Variants in EXOC4 observed in about 807,000 individuals in gnomAD.
The protein encoded by EXOC4 is exocyst complex component 4.
EXOC4 carries 71 observed loss-of-function variants against 107.2 expected under a neutral mutation model. The observed-to-expected ratio is 0.66, with a 90% CI of 0.55 to 0.81. The LOEUF (loss-of-function observed/expected upper bound fraction) is 0.81. Among genes scored for constraint, EXOC4 ranks in the 30% least tolerant of loss-of-function variants. The pLI, the probability that EXOC4 is intolerant of heterozygous loss-of-function variation, is 0.00. For synonymous variants in EXOC4, 456 were observed against 441.2 expected, an observed-to-expected ratio of 1.03 and a Z score of -0.42; for missense variants, 1,108 against 1,189.6, an observed-to-expected ratio of 0.93 and a Z score of 1.01.
At chr7:133,933,697 T>C (rs756350527) in intron 13 of EXOC4, among the ~76,000 whole-genome samples, 1 of 152,210 alleles carries the variant, frequency 6.6e-6, no homozygotes, top group Non-Finnish European at 1.5e-5. Flanking sequence ...GACAAGTGAC[T>C]GTGTCTTCCG....
chr7:134,038,798 T>C (rs1345203217), intron 17 of EXOC4, among the ~76,000 whole-genome samples: 2 of 152,168 alleles, frequency 1.3e-5, no homozygotes, highest in African/African-American at 4.8e-5. Flanking sequence ...AACTAGGGGC[T>C]CTTGGAGCAT....
intron 9 of EXOC4, among the ~76,000 whole-genome samples, chr7:133,586,642 T>A (rs982667137): frequency 6.6e-6 from 1 of 152,186 alleles, no homozygotes; most frequent in Non-Finnish European, 1.5e-5. Context: ...TACCCAATAA[T>A]GGGATTGCTG....
intron 9 of EXOC4, among the ~76,000 whole-genome samples, chr7:133,562,532 T>G (rs1800829229): frequency 6.6e-6 from 1 of 152,190 alleles, no homozygotes; most frequent in Admixed American, 6.5e-5. Flanking sequence ...TCCTGACAAA[T>G]AGAGTTCTTT....
At chr7:133,996,001 A>G (rs1794383675) in intron 14 of EXOC4, among the ~76,000 whole-genome samples, 1 of 152,194 alleles carries the variant, frequency 6.6e-6, no homozygotes, top group Non-Finnish European at 1.5e-5. Context: ...GACTCTTTGA[A>G]AAAGAGAAGG....
chr7:133,957,275 G>T (rs1052105468), intron 14 of EXOC4, among the ~76,000 whole-genome samples: 9 of 152,276 alleles, frequency 5.9e-5, no homozygotes, highest in African/African-American at 2.2e-4. Flanking sequence ...AATAATTATA[G>T]ACTGTTAAAT....
At chr7:133,608,550 T>TTTC (rs1437817054) in intron 9 of EXOC4, among the ~76,000 whole-genome samples, 1 of 141,344 alleles carries the variant, frequency 7.1e-6, no homozygotes, top group Non-Finnish European at 1.5e-5. Flanking sequence ...GTATTTCTTT[T>TTTC]TTTTTTTTTT....
chr7:133,470,537 A>T (rs562755546), intron 7 of EXOC4, among the ~76,000 whole-genome samples: 3 of 152,306 alleles, frequency 2.0e-5, no homozygotes, highest in Admixed American at 6.5e-5. Flanking sequence ...ACAGTGAATG[A>T]TGATATCACT....
At chr7:133,280,385 G>C (rs1245744049) in intron 2 of EXOC4, among the ~76,000 whole-genome samples, 2 of 152,132 alleles carry the variant, frequency 1.3e-5, no homozygotes, top group Non-Finnish European at 2.9e-5. Context: ...AAAAGAAATG[G>C]ATACGAGTTG....
intron 10 of EXOC4, among the ~76,000 whole-genome samples, chr7:133,813,961 C>A (rs1299896992): frequency 1.3e-5 from 2 of 151,984 alleles, no homozygotes; most frequent in East Asian, 3.8e-4. Flanking sequence ...GGTTAAACAG[C>A]TAAACTTAAG....
At chr7:134,086,732 A>C in the EXOC4 span, among the ~76,000 whole-genome samples, 1 of 152,162 alleles carries the variant, frequency 6.6e-6, no homozygotes. Context: ...GTACAAAGCA[A>C]AAGCAAGTTT....
At chr7:133,491,855 G>T (rs544414333) in intron 9 of EXOC4, among the ~76,000 whole-genome samples, 4 of 152,318 alleles carry the variant, frequency 2.6e-5, no homozygotes, top group Admixed American at 2.6e-4. Context: ...CTGAACAAAG[G>T]AAGGGAACTC....
chr7:133,296,905 C>T (rs546229432), intron 3 of EXOC4, among the ~76,000 whole-genome samples: 1 of 152,212 alleles, frequency 6.6e-6, no homozygotes, highest in East Asian at 1.9e-4. Flanking sequence ...ATAAAAGTCT[C>T]TAGGGGTGGG....
intron 7 of EXOC4, among the ~76,000 whole-genome samples, chr7:133,473,088 A>G (rs1328254034): frequency 1.3e-5 from 2 of 152,306 alleles, no homozygotes; most frequent in South Asian, 4.1e-4. Flanking sequence ...TTTCTGTGTT[A>G]TATTAATTTG....
intron 10 of EXOC4, among the ~76,000 whole-genome samples, chr7:133,673,241 A>G (rs561279719): frequency 1.2e-4 from 18 of 152,198 alleles, no homozygotes; most frequent in African/African-American, 4.1e-4. Flanking sequence ...ACTTAAAGGG[A>G]GTTAGTTTCT....
At chr7:133,638,313 G>T (rs1729103568) in intron 10 of EXOC4, among the ~76,000 whole-genome samples, 1 of 152,182 alleles carries the variant, frequency 6.6e-6, no homozygotes, top group Non-Finnish European at 1.5e-5. Context: ...AAGTTATGAT[G>T]CAGTTAACTG....
intron 6 of EXOC4, among the ~76,000 whole-genome samples, chr7:133,359,325 C>G (rs980609773): frequency 6.6e-6 from 1 of 152,120 alleles, no homozygotes; most frequent in Admixed American, 6.5e-5. Context: ...ATTTTAGAAG[C>G]AATATTGTCA....
intron 13 of EXOC4, among the ~76,000 whole-genome samples, chr7:133,918,487 T>C (rs1042967085): frequency 9.2e-5 from 14 of 152,228 alleles, no homozygotes; most frequent in African/African-American, 3.4e-4. Flanking sequence ...CTCCAGTCCA[T>C]AGAACTGTCA....
chr7:133,682,014 C>T (rs962919283), intron 10 of EXOC4, among the ~76,000 whole-genome samples: 27 of 152,178 alleles, frequency 1.8e-4, no homozygotes, highest in Middle Eastern at 3.4e-3. Context: ...ATCAATCCTC[C>T]GGCCTTAGCC....
At chr7:133,645,999 G>A (rs1427620549) in intron 10 of EXOC4, among the ~76,000 whole-genome samples, 1 of 152,120 alleles carries the variant, frequency 6.6e-6, no homozygotes, top group Non-Finnish European at 1.5e-5. Flanking sequence ...CCTTAAGTTA[G>A]ACCATTAATT....
Sources: gnomAD v4.1 joint callset for allele counts (sites outside exome capture counted in the v4.1 genomes callset) on GRCh38, gnomAD v4.1.1 for gene constraint, MANE v1.5 for transcripts, NCBI Gene and HGNC (gene_info 2026-07-23, HGNC 2026-07-21) for gene names.